MFSD6: variants seen among roughly 807,000 people sequenced by gnomAD.
MFSD6 encodes the protein major facilitator superfamily domain containing 6.
MFSD6 carries 26 observed loss-of-function variants against 56.3 expected under a neutral mutation model. That is an observed-to-expected ratio of 0.46 (90% confidence interval 0.34 to 0.64). The LOEUF (loss-of-function observed/expected upper bound fraction) is 0.64, where lower values mean the gene tolerates loss of function less well. Ranked by LOEUF, MFSD6 falls within the 30% of genes least tolerant of loss-of-function variation. The pLI is 0.01. For missense variants in MFSD6, 750 were observed against 986.2 expected, an observed-to-expected ratio of 0.76 and a Z score of 3.21; for synonymous variants, 331 against 366.9, an observed-to-expected ratio of 0.90 and a Z score of 1.12.
rs571365581 is a variant in MFSD6, at chr2:190,443,518, C to G, written c.1532+5957C>G. On this transcript the variant is annotated intron_variant, in intron 3 of 7. Coordinates refer to ENST00000392328, the MANE Select transcript of MFSD6 (RefSeq NM_017694.4). The surrounding 1 kb of genome is among the most constrained non-coding windows in gnomAD (Gnocchi z 4.2). Reference sequence around the variant, plus strand: ...AGACCCATTGAAGTTGATAAAAATACAAGTTGACAGTACAATATCAGAAGT... The same window carrying G: ...AGACCCATTGAAGTTGATAAAAATAGAAGTTGACAGTACAATATCAGAAGT... 1.3e-5 allele frequency among the ~76,000 whole-genome samples: 2 copies of G among 152,124 alleles called. No homozygotes were observed. Among genetic ancestry groups the G allele is most frequent in the Non-Finnish European group, 2.9e-5 (2 of 67,998 alleles).
chr2:190,454,505 T>C lies in MFSD6; in HGVS notation c.1533-15253T>C, dbSNP rs1166223776. Reference sequence around the variant, plus strand: ...CAAGAATACATGCTAGAGAGCTTGCTTGTGTACGACTCTTTTTCTCTTTCT... The same window carrying C: ...CAAGAATACATGCTAGAGAGCTTGCCTGTGTACGACTCTTTTTCTCTTTCT... On this transcript the variant is annotated intron_variant, in intron 3 of 7. Coordinates refer to ENST00000392328, the MANE Select transcript of MFSD6 (RefSeq NM_017694.4). This position sits in a 1 kb window ranked among gnomAD's most constrained non-coding sequence, Gnocchi z 4.6. 1 of 152,192 alleles carries C rather than the reference T, an allele frequency of 6.6e-6. No individual in the cohort carries two copies. Among genetic ancestry groups the C allele is most frequent in the African/African-American group, 2.4e-5 (1 of 41,398 alleles). 9.4% of individuals were successfully genotyped at this position (152,192 alleles called of 1,614,324 possible).
At position 190,424,555 on chromosome 2, in the gene MFSD6, G is replaced by A. The variant is rs982692680; in HGVS notation, c.-54+9142G>A. ...TCTCCATGTTGGTCAGGATGGTCTC[G>A]AACTCCTGACCTCAGGTGATCCGTC... On this transcript the variant is annotated intron_variant, in intron 2 of 7. Coordinates refer to ENST00000392328, the MANE Select transcript of MFSD6 (RefSeq NM_017694.4). The surrounding 1 kb of genome is among the most constrained non-coding windows in gnomAD (Gnocchi z 5.9). 2.6e-5 allele frequency among the ~76,000 whole-genome samples: 4 copies of A among 152,042 alleles called. No individual in the cohort carries two copies. Among genetic ancestry groups the A allele is most frequent in the Admixed American group, 6.6e-5 (1 of 15,262 alleles).
At chr2:190,483,835 CAAAAAAA>C (rs34089229) in intron 4 of MFSD6, among the ~76,000 whole-genome samples, 29 of 86,660 alleles carry the variant, frequency 3.3e-4, no homozygotes, top group South Asian at 8.9e-4. Context: ...AACTCATTTT[CAAAAAAA>C]AAAAAAAAAA....
chr2:190,449,484 A>C (rs1391893201), intron 3 of MFSD6, among the ~76,000 whole-genome samples: 2 of 152,122 alleles, frequency 1.3e-5, no homozygotes, highest in African/African-American at 4.8e-5. Flanking sequence ...AAAAAAAAAA[A>C]ATTAATATCA....
Position 190,425,791 on chromosome 2 carries a change from G to T in MFSD6, c.-53-10186G>T, listed in dbSNP as rs1416195193. Among the ~76,000 whole-genome samples, 2 of 152,052 alleles carry T rather than the reference G, an allele frequency of 1.3e-5. No homozygotes were observed. Among genetic ancestry groups the T allele is most frequent in the South Asian group, 2.1e-4 (1 of 4,808 alleles). On this transcript the variant is annotated intron_variant, in intron 2 of 7. Transcript: ENST00000392328. This position sits in a 1 kb window ranked among gnomAD's most constrained non-coding sequence, Gnocchi z 4.3. The stretch of plus-strand genomic sequence containing the variant: ...GGTTCTTGTATCTAGATTTACCAGG[G>T]ATATTAGTAGTTTTCTGTTTTTTTG...
intron 2 of MFSD6, among the ~76,000 whole-genome samples, chr2:190,430,527 G>T (rs531952248): frequency 4.8e-4 from 73 of 151,976 alleles, no homozygotes; most frequent in African/African-American, 1.3e-3. Context: ...TGGGGGTAAG[G>T]TCACAGATCA....
intron 3 of MFSD6, among the ~76,000 whole-genome samples, chr2:190,468,587 G>A (rs574435912): frequency 4.0e-4 from 60 of 151,324 alleles, no homozygotes; most frequent in African/African-American, 1.4e-3. Flanking sequence ...CAAGTAGCTG[G>A]GACTATAGGT....
In MFSD6 at chr2:190,456,490, C is replaced by G. The variant is rs765917802; in HGVS notation, c.1533-13268C>G. ...GAAAAGATCGGGGCTCCTTTCAACCCGCTGGTGATATGAGCCCCACTCCGG... is the reference window on the plus strand; with the variant it reads ...GAAAAGATCGGGGCTCCTTTCAACCGGCTGGTGATATGAGCCCCACTCCGG... On this transcript the variant is annotated intron_variant, in intron 3 of 7. Transcript: ENST00000392328. This position sits in a 1 kb window ranked among gnomAD's most constrained non-coding sequence, Gnocchi z 5.4. Among the ~76,000 whole-genome samples the G allele has an allele frequency of 6.6e-6, 1 of 152,026 alleles. No homozygotes were observed. The highest frequency in any genetic ancestry group is 6.5e-5 in the Admixed American group (1 of 15,276).
Position 190,463,786 on chromosome 2 carries a change from C to G in MFSD6, c.1533-5972C>G, listed in dbSNP as rs1293613173. 1.4e-5 allele frequency: 11 copies of G among 790,264 alleles called. No individual in the cohort carries two copies. The highest frequency in any genetic ancestry group is 3.1e-6 in the Non-Finnish European group (2 of 652,022). 49.0% of individuals were successfully genotyped at this position (790,264 alleles called of 1,614,324 possible). A position where few individuals can be genotyped will look rare whatever the true frequency, so the allele number is the denominator to read the frequency against. The stretch of plus-strand genomic sequence containing the variant: ...ATTGAGCTGTGATGACGCTACTGCA[C>G]TCCAGCCTGGGTAACAGAGCAAGAC... On this transcript the variant is annotated intron_variant, in intron 3 of 7. Transcript: ENST00000392328. This position sits in a 1 kb window ranked among gnomAD's most constrained non-coding sequence, Gnocchi z 4.4.
Position 190,416,286 on chromosome 2 carries a change from A to C in MFSD6, c.-54+873A>C, listed in dbSNP as rs1690772065. On this transcript the variant is annotated intron_variant, in intron 2 of 7. Coordinates refer to ENST00000392328, the MANE Select transcript of MFSD6 (RefSeq NM_017694.4). The surrounding 1 kb of genome is among the most constrained non-coding windows in gnomAD (Gnocchi z 4.1). Reference sequence around the variant, plus strand: ...TTATGGTTATAAGCTATTTCCTCCAACCCTTAAGAGATCAAAATAATTTGT... The same window carrying C: ...TTATGGTTATAAGCTATTTCCTCCACCCCTTAAGAGATCAAAATAATTTGT... 6.6e-6 allele frequency among the ~76,000 whole-genome samples: 1 copy of C among 152,188 alleles called. No homozygotes were observed. The highest frequency in any genetic ancestry group is 1.5e-5 in the Non-Finnish European group (1 of 68,026).
rs1261999273 is a variant in MFSD6, at chr2:190,489,541, T to C, written c.1793-227T>C. 6.6e-6 allele frequency among the ~76,000 whole-genome samples: 1 copy of C among 152,222 alleles called. No homozygotes were observed. The highest frequency in any genetic ancestry group is 2.4e-5 in the African/African-American group (1 of 41,456). On this transcript the variant is annotated intron_variant, in intron 5 of 7. Transcript: ENST00000392328. The surrounding 1 kb of genome is among the most constrained non-coding windows in gnomAD (Gnocchi z 6.6). Reference sequence around the variant, plus strand: ...GCACTGAGAGATAATCCTATATAAATGCAGTTTTATAATCGATCAATGACA... The same window carrying C: ...GCACTGAGAGATAATCCTATATAAACGCAGTTTTATAATCGATCAATGACA...
rs542456032 is a variant in MFSD6 at position 190,419,434 on chromosome 2, C to T, written c.-54+4021C>T. On this transcript the variant is annotated intron_variant, in intron 2 of 7. Transcript: ENST00000392328. ...GTTTGAAAAGTTGATTTCCCTGCTT[C>T]GCAGCTTCAGCCCTCATCACTAGGC... Among the ~76,000 whole-genome samples, 10 of 152,346 alleles carry T rather than the reference C, an allele frequency of 6.6e-5. No individual in the cohort carries two copies. The South Asian group carries it at 1.7e-3, about 25-fold the overall frequency.
chr2:190,446,834 A>C (rs557289810), intron 3 of MFSD6, among the ~76,000 whole-genome samples: 1 of 152,132 alleles, frequency 6.6e-6, no homozygotes, highest in Admixed American at 6.6e-5. Flanking sequence ...TTAAATGTCA[A>C]CCTCCTTCAG....
rs912107362 is a variant in MFSD6 at position 190,434,625 on chromosome 2, G to T, written c.-53-1352G>T. 5.9e-5 allele frequency among the ~76,000 whole-genome samples: 9 copies of T among 152,046 alleles called. No homozygotes were observed. Among genetic ancestry groups the T allele is most frequent in the Non-Finnish European group, 1.5e-5 (1 of 68,008 alleles). ...ATTCTTGTACTTTTAGTAGAAACGG[G>T]GTTTCACCATGTTGGCCAGGATGGT... On this transcript the variant is annotated intron_variant, in intron 2 of 7. Transcript: ENST00000392328. The surrounding 1 kb of genome is among the most constrained non-coding windows in gnomAD (Gnocchi z 4.3).
intron 4 of MFSD6, among the ~76,000 whole-genome samples, chr2:190,478,932 G>A (rs960856083): frequency 6.6e-6 from 1 of 152,014 alleles, no homozygotes; most frequent in Non-Finnish European, 1.5e-5. Flanking sequence ...CTATCTAGAG[G>A]GTAGCTGAAA....
Position 190,439,212 on chromosome 2 carries a change from T to G in MFSD6, c.1532+1651T>G. Reference sequence around the variant, plus strand: ...ACTGCAGTTAATAATGTCTTTAAAATCACTGTTATTCATTCCCAGAAAGGT... The same window carrying G: ...ACTGCAGTTAATAATGTCTTTAAAAGCACTGTTATTCATTCCCAGAAAGGT... On this transcript the variant is annotated intron_variant, in intron 3 of 7. Transcript: ENST00000392328. This position sits in a 1 kb window ranked among gnomAD's most constrained non-coding sequence, Gnocchi z 5.8. 6.6e-6 allele frequency among the ~76,000 whole-genome samples: 1 copy of G among 151,996 alleles called. No homozygotes were observed. Among genetic ancestry groups the G allele is most frequent in the Admixed American group, 6.6e-5 (1 of 15,246 alleles).
chr2:190,449,970 T>A (rs1315920002), intron 3 of MFSD6, among the ~76,000 whole-genome samples: 4 of 152,002 alleles, frequency 2.6e-5, no homozygotes, highest in South Asian at 2.1e-4. Context: ...CATATGTAAC[T>A]AACCTGCACA....
At chr2:190,480,336 T>C (rs1460342412) in intron 4 of MFSD6, among the ~76,000 whole-genome samples, 9 of 152,230 alleles carry the variant, frequency 5.9e-5, no homozygotes, top group African/African-American at 2.2e-4. Context: ...ACACTATTAA[T>C]GCTTGTTGTT....
In MFSD6 at chr2:190,499,791, G is replaced by A. The variant is rs775459112; in HGVS notation, c.2173-224G>A. On this transcript the variant is annotated intron_variant, in intron 7 of 7. Coordinates refer to ENST00000392328, the MANE Select transcript of MFSD6 (RefSeq NM_017694.4). The surrounding 1 kb of genome is among the most constrained non-coding windows in gnomAD (Gnocchi z 6.0). ...TAATGTTCCTTTTTCCACAAGACAC[G>A]TCTGCTTATAGTGTTTGTGTTTTTC... The A allele has an allele frequency of 9.6e-5, 144 of 1,504,538 alleles. No homozygotes were observed. Among genetic ancestry groups the A allele is most frequent in the Non-Finnish European group, 1.2e-4 (133 of 1,117,852 alleles). 93.2% of individuals were successfully genotyped at this position (1,504,538 alleles called of 1,614,324 possible). A position where few individuals can be genotyped will look rare whatever the true frequency, so the allele number is the denominator to read the frequency against.
Sources: gnomAD v4.1 joint callset for allele counts (sites outside exome capture counted in the v4.1 genomes callset) on GRCh38, gnomAD v4.1.1 for gene constraint, Gnocchi (gnomAD v3.1) non-coding constraint, MANE v1.5 for transcripts, NCBI Gene and HGNC (gene_info 2026-07-23, HGNC 2026-07-21) for gene names.